GLI2: variants seen among roughly 807,000 people sequenced by gnomAD.
The protein encoded by GLI2 is transcription activator GLI2.
GLI2 carries 22 observed loss-of-function variants against 78.9 expected under a neutral mutation model. The observed-to-expected ratio is 0.28, with a 90% CI of 0.20 to 0.40. The LOEUF (loss-of-function observed/expected upper bound fraction) is 0.40, where lower values mean the gene tolerates loss of function less well. GLI2 is among the 10% of genes least tolerant of loss of function. GLI2 has a pLI of 1.00. For synonymous variants in GLI2, 974 were observed against 963.7 expected (o/e 1.01, Z -0.20); for missense variants, 2,097 against 2,213.2 (o/e 0.95, Z 1.05).
chr2:120,928,607 C>A (rs1679805698), intron 3 of GLI2, among the ~76,000 whole-genome samples: 1 of 152,246 alleles, frequency 6.6e-6, no homozygotes, highest in South Asian at 2.1e-4. Context: ...CCTTCCTCTA[C>A]CATCTCCCAT....
At chr2:120,957,300 TCAA>T (rs544292913) in intron 5 of GLI2, among the ~76,000 whole-genome samples, 118 of 152,258 alleles carry the variant, frequency 7.7e-4, no homozygotes, top group African/African-American at 2.6e-3. Context: ...ATCCAGATGT[TCAA>T]CAACACCTGT....
At position 120,988,838 on chromosome 2, in the gene GLI2, G is replaced by A; in HGVS notation, c.2873G>A (p.Arg958Gln). The A allele has an allele frequency of 2.0e-5, 30 of 1,471,940 alleles. No individual in the cohort carries two copies. Among genetic ancestry groups the A allele is most frequent in the Middle Eastern group, 2.0e-4 (1 of 4,898 alleles). 91.2% of individuals were successfully genotyped at this position (1,471,940 alleles called of 1,614,324 possible). A position where few individuals can be genotyped will look rare whatever the true frequency, so the allele number is the denominator to read the frequency against. ...GARRASDPVRRPDALSLPRVQ... is the reference protein window; with the variant it reads ...GARRASDPVRQPDALSLPRVQ... ...AGGCGGGCCAGCGACCCTGTGCGGC[G>A]GCCCGATGCCCTGTCCCTGCCGCGG... Residue 958 changes from arginine to glutamine, a missense_variant, in exon 14 of 14, where the codon CGG (arginine) becomes CAG (glutamine). By Grantham distance (43) the Arg-to-Gln change is conservative. Around this residue, in one of 5 missense-constraint regions of GLI2, gnomAD observed 1,290 missense variants for 1,261.7 expected, o/e 1.02. Transcript: ENST00000361492.
intron 2 of GLI2, among the ~76,000 whole-genome samples, chr2:120,863,299 GCC>G (rs1450778753): frequency 3.9e-5 from 6 of 152,206 alleles, no homozygotes; most frequent in Non-Finnish European, 8.8e-5. Flanking sequence ...CTTGGCTCCG[GCC>G]AGTGCCCGTG....
chr2:120,887,462 T>C (rs1361532058), intron 2 of GLI2, among the ~76,000 whole-genome samples: 1 of 152,258 alleles, frequency 6.6e-6, no homozygotes, highest in Non-Finnish European at 1.5e-5. Context: ...CAGAGAGAGC[T>C]ATGTATAGCC....
chr2:120,753,810 A>G (rs752807734), intron 1 of GLI2, among the ~76,000 whole-genome samples: 1 of 150,616 alleles, frequency 6.6e-6, no homozygotes, highest in Non-Finnish European at 1.5e-5. Context: ...AGGCAGGAGA[A>G]TGGCGGAAAC....
At position 120,988,253 on chromosome 2, in the gene GLI2, C is replaced by T. The variant is rs374016746; in HGVS notation, c.2288C>T (p.Ala763Val). 72 of 1,573,852 alleles carry T rather than the reference C, an allele frequency of 4.6e-5. No individual in the cohort carries two copies. Among genetic ancestry groups the T allele is most frequent in the Admixed American group, 1.6e-4 (9 of 56,240 alleles). The change falls in exon 14 of 14, where the codon GCG (alanine) becomes GTG (valine). Residue 763 changes from alanine to valine, a missense_variant. Ala to Val is a moderately conservative substitution (Grantham distance 64, BLOSUM62 0). Coordinates refer to ENST00000361492, the MANE Select transcript of GLI2 (RefSeq NM_001374353.1). ...AGTGGCAGTGGGGGCGGCGGGCCCG[C>T]GGGGCTGCTGCCGAACCCGCGGCTG... Reference protein sequence around the residue: ...NFSGSGGGGPAGLLPNPRLSE... With the variant: ...NFSGSGGGGPVGLLPNPRLSE...
At chr2:120,785,084 G>A (rs547152830) in intron 1 of GLI2, among the ~76,000 whole-genome samples, 7 of 152,166 alleles carry the variant, frequency 4.6e-5, no homozygotes, top group African/African-American at 1.2e-4. Context: ...TTGAGCCGGC[G>A]CATGTCCAGG....
chr2:120,792,747 C>T (rs552504759), intron 1 of GLI2, among the ~76,000 whole-genome samples: 2 of 152,234 alleles, frequency 1.3e-5, no homozygotes, highest in African/African-American at 2.4e-5. Context: ...CTCAGCTTCC[C>T]GAGTAGCTGG....
In GLI2 at chr2:120,797,456, G is replaced by A. The variant is rs752220445; in HGVS notation, c.136G>A (p.Ala46Thr). The A allele has an allele frequency of 6.2e-6, 10 of 1,613,884 alleles. No individual in the cohort carries two copies. In the East Asian group the frequency reaches 1.6e-4, roughly 25 times the overall value. ...VVAAAAAAAV[A>T]AQGVPQHLLP... ...GGCTGCAGCGGCAGCAGCAGCGGTA[G>A]CTGCCCAAGGAGGTACTTTCTGTTT... Residue 46 changes from alanine (A) to threonine (T), a missense_variant, in exon 2 of 14, where the codon GCT (alanine) becomes ACT (threonine). By Grantham distance (58) the Ala-to-Thr change is moderately conservative (BLOSUM62 0). Around this residue, in one of 5 missense-constraint regions of GLI2, gnomAD observed 578 missense variants for 612.0 expected, o/e 0.94. Transcript: ENST00000361492.
At chr2:120,938,599 T>C (rs1680302073) in intron 3 of GLI2, among the ~76,000 whole-genome samples, 1 of 152,248 alleles carries the variant, frequency 6.6e-6, no homozygotes, top group South Asian at 2.1e-4. Context: ...CAGCTCTGCA[T>C]AGGGAGTGAC....
chr2:120,889,019 A>G (rs1677551255), intron 2 of GLI2, among the ~76,000 whole-genome samples: 1 of 152,200 alleles, frequency 6.6e-6, no homozygotes, highest in Admixed American at 6.5e-5. Flanking sequence ...GACGGCCGTG[A>G]GGACTCTGTC....
At chr2:120,766,970 G>A (rs1394707125) in intron 1 of GLI2, among the ~76,000 whole-genome samples, 3 of 152,196 alleles carry the variant, frequency 2.0e-5, no homozygotes, top group Admixed American at 6.5e-5. Flanking sequence ...AAACCGACAG[G>A]CCACACCTGT....
At chr2:120,822,966 A>G (rs541639965) in intron 2 of GLI2, among the ~76,000 whole-genome samples, 29 of 152,274 alleles carry the variant, frequency 1.9e-4, no homozygotes, top group Middle Eastern at 6.8e-3. Flanking sequence ...GGAGTGGTCT[A>G]GGACTGGGAG....
At chr2:120,975,212 A>G (rs951505313) in intron 9 of GLI2, 103 bp downstream of exon 9, 1 of 1,057,758 alleles carries the variant, frequency 9.5e-7, no homozygotes, top group South Asian at 1.5e-5. Context: ...GGCTGGAGGA[A>G]GAGACCCCCA....
At chr2:120,828,077 A>T in intron 2 of GLI2, among the ~76,000 whole-genome samples, 1 of 152,242 alleles carries the variant, frequency 6.6e-6, no homozygotes, top group East Asian at 1.9e-4. Context: ...AAATGAAATT[A>T]TTGAAGAGAG....
At chr2:120,825,689 C>G (rs1686023245) in intron 2 of GLI2, among the ~76,000 whole-genome samples, 1 of 152,220 alleles carries the variant, frequency 6.6e-6, no homozygotes, top group South Asian at 2.1e-4. Flanking sequence ...GCCCAGATGC[C>G]TGTCCTTTGC....
chr2:120,833,695 G>A (rs1310201396), intron 2 of GLI2, among the ~76,000 whole-genome samples: 4 of 152,092 alleles, frequency 2.6e-5, no homozygotes, highest in Non-Finnish European at 4.4e-5. Flanking sequence ...CTCCTGCCAC[G>A]CTTCTGGTCA....
At chr2:120,833,070 G>A (rs1686442593) in intron 2 of GLI2, among the ~76,000 whole-genome samples, 1 of 152,024 alleles carries the variant, frequency 6.6e-6, no homozygotes, top group Admixed American at 6.5e-5. Context: ...ATTGCTCTGG[G>A]ACTCTTCCTC....
chr2:120,974,244 C>A (rs983669408), intron 8 of GLI2, among the ~76,000 whole-genome samples: 3 of 152,150 alleles, frequency 2.0e-5, no homozygotes, highest in Admixed American at 2.0e-4. Context: ...GTATGAGCCT[C>A]TCCCTGTGCC....
Sources: allele counts gnomAD v4.1 joint callset (sites outside exome capture counted in the v4.1 genomes callset), GRCh38; gene constraint gnomAD v4.1.1; regional missense constraint gnomAD v4.1.1; transcripts MANE v1.5; gene names NCBI Gene and HGNC (gene_info 2026-07-23, HGNC 2026-07-21).